Variants in GNAQ observed in about 807,000 individuals in gnomAD.
GNAQ encodes the protein guanine nucleotide-binding protein G(q) subunit alpha.
In GNAQ, 8 loss-of-function variants were observed where a neutral mutation model predicts 43.9. That is an observed-to-expected ratio of 0.18 (90% CI 0.11 to 0.33). The LOEUF is 0.33. Ranked by LOEUF, GNAQ falls within the 10% of genes least tolerant of loss-of-function variation. The probability of loss-of-function intolerance (pLI) is 1.00; values close to 1 mark genes in which losing one functional copy is unlikely to be tolerated. For missense variants in GNAQ, 158 were observed against 450.8 expected (o/e 0.35, Z 5.88); for synonymous variants, 155 against 170.7 (o/e 0.91, Z 0.71).
intron 1 of GNAQ, among the ~76,000 whole-genome samples, chr9:78,009,526 CA>C (rs900385047): frequency 6.6e-6 from 1 of 152,160 alleles, no homozygotes; most frequent in Non-Finnish European, 1.5e-5. Context: ...AAGTAAACAA[CA>C]AAGTAATAAA....
chr9:77,883,459 T>G (rs1400756702), intron 2 of GNAQ, among the ~76,000 whole-genome samples: 2 of 114,172 alleles, frequency 1.8e-5, no homozygotes, highest in Non-Finnish European at 3.9e-5. Context: ...AAGGGGGTAG[T>G]TTTTTTTTTT....
At chr9:77,922,653 G>A (rs893364849) in intron 1 of GNAQ, among the ~76,000 whole-genome samples, 2 of 152,162 alleles carry the variant, frequency 1.3e-5, no homozygotes, top group Non-Finnish European at 2.9e-5. Context: ...AATGGCAACA[G>A]CATCTTTTGA....
At chr9:77,996,262 T>C (rs369753320) in intron 1 of GNAQ, among the ~76,000 whole-genome samples, 2 of 152,234 alleles carry the variant, frequency 1.3e-5, no homozygotes, top group African/African-American at 4.8e-5. Flanking sequence ...TTATTTAATT[T>C]CATCTTTTGA....
intron 2 of GNAQ, among the ~76,000 whole-genome samples, chr9:77,845,807 G>A (rs1827574551): frequency 6.6e-6 from 1 of 152,198 alleles, no homozygotes; most frequent in Non-Finnish European, 1.5e-5. Flanking sequence ...GTATCTTGGA[G>A]GGTCTAGCAT....
At chr9:77,911,846 C>T (rs576238869) in intron 2 of GNAQ, among the ~76,000 whole-genome samples, 3 of 152,182 alleles carry the variant, frequency 2.0e-5, no homozygotes, top group South Asian at 4.1e-4. Flanking sequence ...CCACCATCAC[C>T]CTTCATAAAT....
chr9:77,720,997 A>C lies in GNAQ; in HGVS notation c.*326T>G, dbSNP rs565536826. 2.3e-5 allele frequency: 6 copies of C among 263,120 alleles called. 1 individual carries two copies. The South Asian group carries it at 9.7e-4, about 43-fold the overall frequency. 16.3% of individuals were successfully genotyped at this position (263,120 alleles called of 1,614,324 possible). ...GCTTTGTTTTGCTCCATAGAAAAGA[A>C]AAAGAGAGAGAGACAGAAAGAAACA... is the stretch of plus-strand genomic sequence containing the variant. On this transcript the variant is annotated 3_prime_UTR_variant, in exon 7 of 7. Transcript: ENST00000286548.
intron 1 of GNAQ, among the ~76,000 whole-genome samples, chr9:78,012,465 C>A (rs1823785761): frequency 6.6e-6 from 1 of 152,002 alleles, no homozygotes; most frequent in African/African-American, 2.4e-5. Flanking sequence ...CCTTGGCCTC[C>A]CAAAGTGCTG....
intron 1 of GNAQ, among the ~76,000 whole-genome samples, chr9:77,943,728 A>G (rs1332538592): frequency 2.9e-5 from 4 of 138,796 alleles, no homozygotes; most frequent in African/African-American, 1.1e-4. Context: ...CAGTGGCGTG[A>G]TCTTGGCTCA....
At chr9:77,905,325 T>C (rs1828687906) in intron 2 of GNAQ, among the ~76,000 whole-genome samples, 2 of 152,232 alleles carry the variant, frequency 1.3e-5, no homozygotes, top group Non-Finnish European at 1.5e-5. Flanking sequence ...TCTAATAATC[T>C]GATTAAAATC....
At chr9:77,833,158 G>C (rs1827328747) in intron 2 of GNAQ, among the ~76,000 whole-genome samples, 1 of 151,934 alleles carries the variant, frequency 6.6e-6, no homozygotes, top group South Asian at 2.1e-4. Context: ...TGTAGAGACG[G>C]GGATTCACCA....
chr9:77,991,020 T>G (rs1388813149), intron 1 of GNAQ, among the ~76,000 whole-genome samples: 1 of 152,230 alleles, frequency 6.6e-6, no homozygotes, highest in Admixed American at 6.5e-5. Flanking sequence ...ACTTCGGATT[T>G]CAAGGCAACT....
intron 5 of GNAQ, 56 bp from the exon 6 acceptor site, chr9:77,728,723 T>C: frequency 1.6e-6 from 2 of 1,214,406 alleles, no homozygotes; most frequent in Non-Finnish European, 2.4e-6. Flanking sequence ...GATTACTTAA[T>C]TTGTGAATTG....
chr9:77,963,625 C>T (rs1823131732), intron 1 of GNAQ, among the ~76,000 whole-genome samples: 1 of 152,104 alleles, frequency 6.6e-6, no homozygotes, highest in Non-Finnish European at 1.5e-5. Flanking sequence ...AAGGTCATGA[C>T]AAAAGGTTTT....
At chr9:78,014,318 G>A (rs1390839515) in intron 1 of GNAQ, among the ~76,000 whole-genome samples, 1 of 152,036 alleles carries the variant, frequency 6.6e-6, no homozygotes, top group East Asian at 1.9e-4. Flanking sequence ...CACTCAGGCT[G>A]AGGTTTAAAA....
intron 3 of GNAQ, among the ~76,000 whole-genome samples, chr9:77,805,829 G>T (rs1036858430): frequency 6.6e-6 from 1 of 152,128 alleles, no homozygotes. Flanking sequence ...AAAAGAGAAG[G>T]CTTCGAAATT....
At chr9:77,738,573 A>G (rs913806507) in intron 5 of GNAQ, among the ~76,000 whole-genome samples, 16 of 152,150 alleles carry the variant, frequency 1.1e-4, no homozygotes, top group Admixed American at 4.6e-4. Context: ...TGAGCTATGC[A>G]TAATTTTGGA....
intron 2 of GNAQ, among the ~76,000 whole-genome samples, chr9:77,826,750 A>G (rs1025384206): frequency 6.6e-6 from 1 of 152,238 alleles, no homozygotes; most frequent in African/African-American, 2.4e-5. Context: ...CACCGTTATA[A>G]AGTTTAAATG....
intron 2 of GNAQ, among the ~76,000 whole-genome samples, chr9:77,845,053 T>C (rs1428445583): frequency 6.6e-6 from 1 of 152,216 alleles, no homozygotes; most frequent in Non-Finnish European, 1.5e-5. Flanking sequence ...TGAAAGTTTC[T>C]AAACTGCAAA....
intron 2 of GNAQ, among the ~76,000 whole-genome samples, chr9:77,877,210 C>T (rs1354376291): frequency 6.6e-6 from 1 of 152,124 alleles, no homozygotes; most frequent in East Asian, 1.9e-4. Context: ...ACCAACTCTC[C>T]CCGAAGAATA....
Sources: allele counts gnomAD v4.1 joint callset (sites outside exome capture counted in the v4.1 genomes callset), GRCh38; gene constraint gnomAD v4.1.1; transcripts MANE v1.5; gene names NCBI Gene and HGNC (gene_info 2026-07-23, HGNC 2026-07-21).